The following MGAT4A variants were observed in gnomAD, a reference collection of about 807,000 sequenced individuals.
MGAT4A encodes the protein N-acetylglucosaminyltransferase IVa.
Under a neutral mutation model 74.1 loss-of-function variants are expected in MGAT4A, and 33 were observed. The ratio of observed to expected loss-of-function variants is 0.45; its 90% CI spans 0.34 to 0.60. The LOEUF (loss-of-function observed/expected upper bound fraction) is 0.60, where lower values mean the gene tolerates loss of function less well. MGAT4A is among the 20% of genes least tolerant of loss of function. MGAT4A has a pLI of 0.02. For missense variants in MGAT4A, 479 were observed against 628.3 expected (o/e 0.76, Z 2.54); for synonymous variants, 198 against 210.4 (o/e 0.94, Z 0.51).
Position 98,619,639 on chromosome 2 carries a change from A to G in MGAT4A, c.*5927T>C, listed in dbSNP as rs1701017137. The G allele has an allele frequency of 6.6e-6, 1 of 152,216 alleles. No individual in the cohort carries two copies. Among genetic ancestry groups the G allele is most frequent in the Admixed American group, 6.5e-5 (1 of 15,280 alleles). The allele number at this position is 152,216 out of a possible 1,614,324, so 9.4% of individuals were successfully genotyped here. A position where few individuals can be genotyped will look rare whatever the true frequency, so the allele number is the denominator to read the frequency against. ...TGCATCTTACAGTACTGTCGATAGCAGCCATTTTTAAGGCTCAGAGAATAT... is the reference window on the plus strand; with the variant it reads ...TGCATCTTACAGTACTGTCGATAGCGGCCATTTTTAAGGCTCAGAGAATAT... On this transcript the variant is annotated 3_prime_UTR_variant, in exon 16 of 16. Coordinates refer to ENST00000393487, the MANE Select transcript of MGAT4A (RefSeq NM_012214.3).
intron 2 of MGAT4A, among the ~76,000 whole-genome samples, chr2:98,720,400 C>T (rs540296808): frequency 6.6e-6 from 1 of 152,156 alleles, no homozygotes; most frequent in Non-Finnish European, 1.5e-5. Flanking sequence ...TAGGATATCC[C>T]ACCCTCAGAC....
intron 2 of MGAT4A, among the ~76,000 whole-genome samples, chr2:98,712,458 A>C (rs542449128): frequency 1.3e-5 from 2 of 152,304 alleles, no homozygotes; most frequent in East Asian, 3.9e-4. Context: ...TTGTGTACCA[A>C]TATGTGCACC....
chr2:98,656,413 T>C lies in MGAT4A; in HGVS notation c.637A>G (p.Ser213Gly), dbSNP rs754556908. The change falls in exon 7 of 16, where the codon AGC (serine) becomes GGC (glycine). Residue 213 changes from serine (S) to glycine (G), a missense_variant. Around this residue, in one of 3 missense-constraint regions of MGAT4A, gnomAD observed 38 missense variants for 87.4 expected, o/e 0.43. Coordinates refer to ENST00000393487, the MANE Select transcript of MGAT4A (RefSeq NM_012214.3). ...GLVEVISPPESYYPDLTNLKE... is the reference protein window; with the variant it reads ...GLVEVISPPEGYYPDLTNLKE... ...AGGTTTGTCAAGTCAGGATAATAGC[T>C]TTCAGGGGGTGATATGACTTCCACC... is the stretch of plus-strand genomic sequence containing the variant. 3 of 1,612,782 alleles carry C rather than the reference T, an allele frequency of 1.9e-6. No homozygotes were observed. The highest frequency in any genetic ancestry group is 2.5e-6 in the Non-Finnish European group (3 of 1,179,352).
intron 9 of MGAT4A, 121 bp from the exon 10 acceptor site, chr2:98,644,174 T>C (rs1559157841): frequency 1.9e-6 from 2 of 1,036,824 alleles, no homozygotes; most frequent in South Asian, 2.4e-5. Flanking sequence ...TAAATCATCA[T>C]AAACAATTTC....
chr2:98,629,169 G>A (rs949020708), intron 14 of MGAT4A, among the ~76,000 whole-genome samples: 11 of 152,158 alleles, frequency 7.2e-5, no homozygotes, highest in Non-Finnish European at 1.2e-4. Flanking sequence ...CCCATGGACC[G>A]TAGTTTGCTG....
At chr2:98,710,746 G>A (rs1173670896) in intron 2 of MGAT4A, among the ~76,000 whole-genome samples, 1 of 152,208 alleles carries the variant, frequency 6.6e-6, no homozygotes, top group Admixed American at 6.5e-5. Context: ...ACAGGCGTGA[G>A]CTACTGTGCC....
At chr2:98,715,389 C>G (rs1575281857) in intron 2 of MGAT4A, among the ~76,000 whole-genome samples, 1 of 145,276 alleles carries the variant, frequency 6.9e-6, no homozygotes, top group East Asian at 2.1e-4. Context: ...TTCCAATTAA[C>G]TAATAAGTAC....
chr2:98,692,953 C>T (rs138050943), intron 2 of MGAT4A, among the ~76,000 whole-genome samples: 237 of 152,292 alleles, frequency 1.6e-3, no homozygotes, highest in Non-Finnish European at 2.7e-3. Context: ...ATTCAAGAAG[C>T]TGAGCAAAAC....
intron 2 of MGAT4A, among the ~76,000 whole-genome samples, chr2:98,704,552 G>A (rs935629613): frequency 4.6e-5 from 7 of 152,244 alleles, no homozygotes; most frequent in Admixed American, 2.0e-4. Context: ...AGGCTGCAGT[G>A]AGCAGTGATC....
chr2:98,651,896 G>A (rs1189120706), intron 8 of MGAT4A, among the ~76,000 whole-genome samples: 1 of 152,076 alleles, frequency 6.6e-6, no homozygotes, highest in Admixed American at 6.5e-5. Flanking sequence ...ATCCAGAACT[G>A]AAAGAAAACA....
rs184859170 is a variant in MGAT4A, at chr2:98,632,219, G to A, written c.1468+3003C>T. On this transcript the variant is annotated intron_variant, in intron 14 of 15. Transcript: ENST00000393487. ...ACTAAAAGAGCACCCTGTAACACGC[G>A]CCCACTGGGACCTCAGGAGCTGTAA... 3.0e-4 allele frequency among the ~76,000 whole-genome samples: 46 copies of A among 152,188 alleles called. 1 individual carries two copies. In the East Asian group the frequency reaches 7.7e-3, roughly 26 times the overall value.
At chr2:98,690,005 G>C (rs1391061129) in intron 2 of MGAT4A, among the ~76,000 whole-genome samples, 2 of 151,090 alleles carry the variant, frequency 1.3e-5, no homozygotes, top group Non-Finnish European at 3.0e-5. Flanking sequence ...ACCAACAGGA[G>C]CACAAAAAAA....
intron 8 of MGAT4A, among the ~76,000 whole-genome samples, chr2:98,649,156 A>C (rs1054905505): frequency 6.6e-6 from 1 of 152,258 alleles, no homozygotes; most frequent in Non-Finnish European, 1.5e-5. Context: ...GAAGGGATTA[A>C]AAATCACACC....
At chr2:98,629,184 C>T (rs775378604) in intron 14 of MGAT4A, among the ~76,000 whole-genome samples, 6 of 152,166 alleles carry the variant, frequency 3.9e-5, no homozygotes, top group African/African-American at 4.8e-5. Context: ...TTGCTGACCA[C>T]ATGCTGTTAC....
intron 3 of MGAT4A, among the ~76,000 whole-genome samples, chr2:98,676,703 C>T (rs1031795997): frequency 1.3e-5 from 2 of 152,104 alleles, no homozygotes; most frequent in African/African-American, 4.8e-5. Context: ...GGCACATTCA[C>T]AGCCACTAAA....
At chr2:98,730,114 A>AC (rs1322973343) in intron 1 of MGAT4A, 2 of 152,256 alleles carry the variant, frequency 1.3e-5, no homozygotes, top group African/African-American at 2.4e-5. Context: ...CCAACGAACG[A>AC]CTGTCATTAT....
intron 8 of MGAT4A, among the ~76,000 whole-genome samples, chr2:98,649,729 A>G (rs1482411345): frequency 6.6e-6 from 1 of 152,116 alleles, no homozygotes; most frequent in Admixed American, 6.5e-5. Flanking sequence ...CAGAGAGGAC[A>G]TGGCCCCAGA....
At position 98,634,891 on chromosome 2, in the gene MGAT4A, G is replaced by A. The variant is rs142195571; in HGVS notation, c.1468+331C>T. ...ACGCTGGGGAGGAGGGAAGGGGCCC[G>A]AAGCACAGATTCTGGCCTGTCAATG... On this transcript the variant is annotated intron_variant, in intron 14 of 15. Transcript: ENST00000393487. Among the ~76,000 whole-genome samples the A allele has an allele frequency of 2.8e-4, 42 of 152,020 alleles. No homozygotes were observed. The East Asian group carries it at 6.0e-3, about 22-fold the overall frequency.
At chr2:98,691,332 T>C (rs1702191970) in intron 2 of MGAT4A, among the ~76,000 whole-genome samples, 2 of 151,836 alleles carry the variant, frequency 1.3e-5, no homozygotes, top group African/African-American at 4.8e-5. Flanking sequence ...TCCCAGCTAC[T>C]AGGGAGCTGA....
Sources: gnomAD v4.1 joint callset for allele counts (sites outside exome capture counted in the v4.1 genomes callset) on GRCh38, gnomAD v4.1.1 for gene constraint, gnomAD v4.1.1 regional missense constraint, MANE v1.5 for transcripts, NCBI Gene and HGNC (gene_info 2026-07-23, HGNC 2026-07-21) for gene names.